DGKA: variants seen among roughly 807,000 people sequenced by gnomAD.
The protein encoded by DGKA is 80 kDa diacylglycerol kinase.
A neutral mutation model predicts 105.0 loss-of-function variants in DGKA; 35 were observed. That is an observed-to-expected ratio of 0.33 (90% confidence interval 0.25 to 0.44). The LOEUF (loss-of-function observed/expected upper bound fraction) is 0.44, where lower values mean the gene tolerates loss of function less well. DGKA is among the 20% of genes least tolerant of loss of function. DGKA has a pLI of 1.00. For synonymous variants in DGKA, 296 were observed against 332.0 expected, an observed-to-expected ratio of 0.89 and a Z score of 1.18; for missense variants, 665 against 915.0, an observed-to-expected ratio of 0.73 and a Z score of 3.53.
rs1202054954 is a variant in DGKA at position 55,939,530 on chromosome 12, G to A, written c.709+1G>A. ...GGCAAACAGGGACTGAGCTGTAACC[G>A]TGAGTAATGGGAGCTGGGAGGTAGG... On this transcript the variant is annotated splice_donor_variant, in intron 9 of 23. Transcript: ENST00000331886. LOFTEE classifies it high-confidence loss of function. 4.3e-6 allele frequency: 7 copies of A among 1,613,842 alleles called. No homozygotes were observed. The highest frequency in any genetic ancestry group is 4.5e-5 in the East Asian group (2 of 44,902).
In DGKA at chr12:55,940,989, C is replaced by T. The variant is rs1182579156; in HGVS notation, c.1101+9C>T. The T allele has an allele frequency of 6.2e-7, 1 of 1,613,134 alleles. No individual in the cohort carries two copies. Among genetic ancestry groups the T allele is most frequent in the East Asian group, 2.2e-5 (1 of 44,880 alleles). On this transcript the variant is annotated intron_variant, in intron 13 of 23. Coordinates refer to ENST00000331886, the MANE Select transcript of DGKA (RefSeq NM_001345.5). This position sits in a 1 kb window ranked among gnomAD's most constrained non-coding sequence, Gnocchi z 4.3. ...CCTCTGAGGCTCTGCGGGTACAGGG[C>T]TGAGAGTCTTGGGCTTCATGATGGG...
chr12:55,937,520 T>C lies in DGKA; in HGVS notation c.251T>C (p.Leu84Ser). The C allele has an allele frequency of 6.2e-7, 1 of 1,614,124 alleles. No individual in the cohort carries two copies. The highest frequency in any genetic ancestry group is 8.5e-7 in the Non-Finnish European group (1 of 1,180,030). The change falls in exon 4 of 24, where the codon TTA (leucine) becomes TCA (serine). Residue 84 changes from leucine to serine, a missense_variant. Coordinates refer to ENST00000331886, the MANE Select transcript of DGKA (RefSeq NM_001345.5). ...CAATCCTTTGAGACTGGTCACTGCT[T>C]AAATGAGACAAATGTGACAAAAGGT... is the stretch of plus-strand genomic sequence containing the variant. ...LFQSFETGHC[L>S]NETNVTKDVV...
chr12:55,936,750 C>T (rs1884806626), intron 2 of DGKA, 183 bp downstream of exon 2: 2 of 954,126 alleles, frequency 2.1e-6, no homozygotes, highest in Non-Finnish European at 1.7e-6. Context: ...AGATCCGGAT[C>T]TACCACAGTC....
rs572206922 is a variant in DGKA, at chr12:55,934,248, T to C, written c.-81-2175T>C. Among the ~76,000 whole-genome samples the C allele has an allele frequency of 3.8e-4, 58 of 152,332 alleles. 2 individuals are homozygous for C. In the South Asian group the frequency reaches 0.01, roughly 27 times the overall value. ...CCTCCTTGTCACTTTCTCCCTCAGA[T>C]TCCATTTCCTAGAACTTTGGAGTCA... is the stretch of plus-strand genomic sequence containing the variant. On this transcript the variant is annotated intron_variant, in intron 1 of 23. Transcript: ENST00000331886.
rs551131011 is a variant in DGKA at position 55,940,469 on chromosome 12, A to G, written c.918+36A>G. The G allele has an allele frequency of 6.2e-7, 1 of 1,610,346 alleles. No individual in the cohort carries two copies. The highest frequency in any genetic ancestry group is 1.1e-5 in the South Asian group (1 of 90,858). On this transcript the variant is annotated intron_variant, in intron 11 of 23. Transcript: ENST00000331886. This position sits in a 1 kb window ranked among gnomAD's most constrained non-coding sequence, Gnocchi z 4.3. ...GAGCCATCCCTTCTGGGTGCGTCTT[A>G]CCCCGCAGAGCTGCCTTCTCCACGG...
chr12:55,928,676 C>CAA (rs56280303), upstream of DGKA, among the ~76,000 whole-genome samples: 55 of 47,258 alleles, frequency 1.2e-3, 2 homozygotes, highest in African/African-American at 3.3e-3. Context: ...GACCCCGTCT[C>CAA]AAAAAAAAAA....
intron 17 of DGKA, among the ~76,000 whole-genome samples, chr12:55,944,229 G>T (rs564574709): frequency 6.6e-6 from 1 of 152,330 alleles, no homozygotes; most frequent in South Asian, 2.1e-4. Context: ...GAGCCCAGGA[G>T]TTTCAGGCTG....
intron 5 of DGKA, 103 bp downstream of exon 5, chr12:55,938,155 G>A: frequency 4.6e-6 from 5 of 1,090,294 alleles, no homozygotes; most frequent in Non-Finnish European, 6.8e-6. Flanking sequence ...AAGGCTGACA[G>A]GTCTAGACAA....
At chr12:55,927,391 AT>A (rs1565719898), upstream of DGKA, 1 of 715,606 alleles carries the variant, frequency 1.4e-6, no homozygotes, top group East Asian at 2.7e-5. Flanking sequence ...AGTCCCTCTC[AT>A]CCCCAGGAAC....
Position 55,938,998 on chromosome 12 carries a change from G to A in DGKA, c.474+9G>A. ...TGTCTGAGCTGAGGCCGGTAAGGCAGCTCTTCCTTCATGTCCCTTCTTGTA... is the reference window on the plus strand; with the variant it reads ...TGTCTGAGCTGAGGCCGGTAAGGCAACTCTTCCTTCATGTCCCTTCTTGTA... On this transcript the variant is annotated intron_variant, in intron 7 of 23. Transcript: ENST00000331886. 6.2e-7 allele frequency: 1 copy of A among 1,614,222 alleles called. No homozygotes were observed. The highest frequency in any genetic ancestry group is 2.2e-5 in the East Asian group (1 of 44,880).
At chr12:55,946,239 G>A (rs1886970584) in intron 17 of DGKA, among the ~76,000 whole-genome samples, 1 of 151,066 alleles carries the variant, frequency 6.6e-6, no homozygotes, top group Non-Finnish European at 1.5e-5. Context: ...GGCACGGTCT[G>A]GGCTCAATAC....
upstream of DGKA, among the ~76,000 whole-genome samples, chr12:55,928,618 A>G (rs906778668): frequency 1.6e-5 from 2 of 126,752 alleles, no homozygotes; most frequent in African/African-American, 6.0e-5. Context: ...CGGAGGTTGC[A>G]GTGAGCCAAG....
chr12:55,950,104 A>G (rs1887853269), intron 17 of DGKA, among the ~76,000 whole-genome samples: 1 of 151,036 alleles, frequency 6.6e-6, no homozygotes, highest in Non-Finnish European at 1.5e-5. Flanking sequence ...CCTCCCAAGT[A>G]GCTGGGATTG....
At chr12:55,927,996 A>C, upstream of DGKA, 1 of 553,096 alleles carries the variant, frequency 1.8e-6, no homozygotes, top group South Asian at 2.5e-5. Context: ...GAGGATCTAA[A>C]GCGGGGCAAC....
rs1193850185 is a variant in DGKA at position 55,952,008 on chromosome 12, C to T, written c.1588-27C>T. ...CGGGAGGGAGAGATTGAGCTCTGTACTGACCTTCATGTCCCGAACTCTCCA... is the reference window on the plus strand; with the variant it reads ...CGGGAGGGAGAGATTGAGCTCTGTATTGACCTTCATGTCCCGAACTCTCCA... On this transcript the variant is annotated intron_variant, in intron 18 of 23. Transcript: ENST00000331886. The surrounding 1 kb of genome is among the most constrained non-coding windows in gnomAD (Gnocchi z 5.1). 1 of 1,613,196 alleles carries T rather than the reference C, an allele frequency of 6.2e-7. No homozygotes were observed. Among genetic ancestry groups the T allele is most frequent in the Non-Finnish European group, 8.5e-7 (1 of 1,179,434 alleles).
rs2136282818 is a variant in DGKA at position 55,932,150 on chromosome 12, C to G, written c.-82+806C>G. On this transcript the variant is annotated intron_variant, in intron 1 of 23. Coordinates refer to ENST00000331886, the MANE Select transcript of DGKA (RefSeq NM_001345.5). This position sits in a 1 kb window ranked among gnomAD's most constrained non-coding sequence, Gnocchi z 4.3. ...TAGAGACCCCGCGAGCCCCCCAGCG[C>G]CCCACCCTCCCCCATCGGAAAAGGA... The G allele has an allele frequency of 4.7e-6, 1 of 213,060 alleles. No individual in the cohort carries two copies. The highest frequency in any genetic ancestry group is 1.2e-4 in the East Asian group (1 of 8,416). The allele number at this position is 213,060 out of a possible 1,614,324, so 13.2% of individuals were successfully genotyped here.
chr12:55,932,406 G>A lies in DGKA; in HGVS notation c.-82+1062G>A. On this transcript the variant is annotated intron_variant, in intron 1 of 23. Transcript: ENST00000331886. The surrounding 1 kb of genome is among the most constrained non-coding windows in gnomAD (Gnocchi z 4.3). ...CGGTTCCTGGGACCCGACTCGGAGGGAAGTCCTCTTCGGAACCTCCACAGT... is the reference window on the plus strand; with the variant it reads ...CGGTTCCTGGGACCCGACTCGGAGGAAAGTCCTCTTCGGAACCTCCACAGT... 1.6e-6 allele frequency: 1 copy of A among 617,986 alleles called. No individual in the cohort carries two copies. Among genetic ancestry groups the A allele is most frequent in the Non-Finnish European group, 2.9e-6 (1 of 340,252 alleles). 38.3% of individuals were successfully genotyped at this position (617,986 alleles called of 1,614,324 possible).
At chr12:55,933,188 A>G (rs1883996404) in intron 1 of DGKA, among the ~76,000 whole-genome samples, 1 of 152,252 alleles carries the variant, frequency 6.6e-6, no homozygotes, top group Non-Finnish European at 1.5e-5. Flanking sequence ...GGGTGTCTAG[A>G]GTCTGACTGT....
intron 15 of DGKA, among the ~76,000 whole-genome samples, 198 bp from the exon 16 acceptor site, chr12:55,941,800 A>T (rs1222830012): frequency 6.6e-6 from 1 of 152,126 alleles, no homozygotes; most frequent in Non-Finnish European, 1.5e-5. Context: ...ATGAAGATCC[A>T]ATTTTTCCCT....
Sources: gnomAD v4.1 joint callset for allele counts (sites outside exome capture counted in the v4.1 genomes callset) on GRCh38, gnomAD v4.1.1 for gene constraint, Gnocchi (gnomAD v3.1) non-coding constraint, MANE v1.5 for transcripts, NCBI Gene and HGNC (gene_info 2026-07-23, HGNC 2026-07-21) for gene names.